RANBP2: variants seen among roughly 807,000 people sequenced by gnomAD.
RANBP2 encodes the protein E3 SUMO-protein ligase RanBP2.
In RANBP2, 57 loss-of-function variants were observed where a neutral mutation model predicts 303.6. That is an observed-to-expected ratio of 0.19 (90% CI 0.15 to 0.23). RANBP2 has a LOEUF of 0.23. RANBP2 is among the 10% of genes least tolerant of loss of function. RANBP2 has a pLI of 1.00. For synonymous variants in RANBP2, 1,167 were observed against 1,301.5 expected, an observed-to-expected ratio of 0.90 and a Z score of 2.23; for missense variants, 3,138 against 3,780.8, an observed-to-expected ratio of 0.83 and a Z score of 4.46.
At chr2:108,938,358 A>C in the RANBP2 span, among the ~76,000 whole-genome samples, 3 of 152,184 alleles carry the variant, frequency 2.0e-5, no homozygotes, top group Non-Finnish European at 4.4e-5. Context: ...AATGCTAATT[A>C]TGTTATGAAG....
rs1676867190 is a variant in RANBP2 at position 108,763,286 on chromosome 2, C to T, written c.2747C>T (p.Ala916Val). ...CTTCCACCCCAACAGCATATTTATG[C>T]CTATCCGCAACAGATGCACACACCG... ...NRLPPQQHIY[A>V]YPQQMHTPPV... The change falls in exon 20 of 29, where the codon GCC (alanine) becomes GTC (valine). Residue 916 changes from alanine (A) to valine (V), a missense_variant. By Grantham distance (64) the Ala-to-Val change is moderately conservative (BLOSUM62 0). Around this residue, in one of 20 missense-constraint regions of RANBP2, gnomAD observed 403 missense variants for 376.7 expected, o/e 1.07. Coordinates refer to ENST00000283195, the MANE Select transcript of RANBP2 (RefSeq NM_006267.5). The T allele has an allele frequency of 6.2e-7, 1 of 1,613,828 alleles. No homozygotes were observed. The highest frequency in any genetic ancestry group is 8.5e-7 in the Non-Finnish European group (1 of 1,179,944).
the RANBP2 span, among the ~76,000 whole-genome samples, chr2:109,533,216 A>C: frequency 1.9e-4 from 29 of 152,288 alleles, no homozygotes; most frequent in African/African-American, 5.8e-4. Context: ...ATGTATACCC[A>C]CACAAGAGCT....
At chr2:109,622,146 C>T in the RANBP2 span, among the ~76,000 whole-genome samples, 213 of 152,234 alleles carry the variant, frequency 1.4e-3, no homozygotes, top group South Asian at 8.7e-3. Flanking sequence ...GTTTAACTCT[C>T]ATAATACCCC....
the RANBP2 span, among the ~76,000 whole-genome samples, chr2:109,167,040 T>C: frequency 6.6e-6 from 1 of 152,100 alleles, no homozygotes; most frequent in Non-Finnish European, 1.5e-5. Flanking sequence ...CTCATCGGTG[T>C]CCCGTGGGAA....
At chr2:109,443,559 G>A in the RANBP2 span, among the ~76,000 whole-genome samples, 53 of 152,270 alleles carry the variant, frequency 3.5e-4, no homozygotes, top group African/African-American at 1.2e-3. Context: ...CCAATAATGA[G>A]AATAGATTAT....
chr2:109,308,329 T>C, the RANBP2 span, among the ~76,000 whole-genome samples: 3 of 116,402 alleles, frequency 2.6e-5, no homozygotes, highest in African/African-American at 4.5e-5. Flanking sequence ...ATTAGCCCTT[T>C]GTCAGATGAG....
chr2:109,031,665 G>A, the RANBP2 span, among the ~76,000 whole-genome samples: 69 of 152,154 alleles, frequency 4.5e-4, no homozygotes, highest in African/African-American at 1.6e-3. Context: ...GAGGAACGGA[G>A]AGCGCCGCTT....
chr2:109,244,964 C>A, the RANBP2 span, among the ~76,000 whole-genome samples: 1 of 152,282 alleles, frequency 6.6e-6, no homozygotes, highest in African/African-American at 2.4e-5. Context: ...TGATCAGGTG[C>A]CAGTATCTCT....
At chr2:109,145,026 T>A in the RANBP2 span, among the ~76,000 whole-genome samples, 1 of 152,208 alleles carries the variant, frequency 6.6e-6, no homozygotes, top group East Asian at 1.9e-4. Flanking sequence ...CAGGGCTCCG[T>A]GTCAGGAAGG....
At chr2:109,446,590 G>A in the RANBP2 span, among the ~76,000 whole-genome samples, 1 of 152,174 alleles carries the variant, frequency 6.6e-6, no homozygotes, top group Non-Finnish European at 1.5e-5. Flanking sequence ...GAGCCTTCCA[G>A]GCACCCGAGG....
chr2:109,073,540 G>A, the RANBP2 span, among the ~76,000 whole-genome samples: 1,353 of 150,048 alleles, frequency 9.0e-3, 69 homozygotes, highest in East Asian at 0.042. Flanking sequence ...GTGGTGGCAC[G>A]CACCTGTAAT....
the RANBP2 span, among the ~76,000 whole-genome samples, chr2:108,938,360 G>T: frequency 6.6e-6 from 1 of 152,320 alleles, no homozygotes; most frequent in African/African-American, 2.4e-5. Flanking sequence ...TGCTAATTAT[G>T]TTATGAAGCA....
chr2:109,444,537 A>C, the RANBP2 span, among the ~76,000 whole-genome samples: 1 of 152,170 alleles, frequency 6.6e-6, no homozygotes, highest in Non-Finnish European at 1.5e-5. Flanking sequence ...GGCCATACTA[A>C]GCCTCCACCT....
the RANBP2 span, among the ~76,000 whole-genome samples, chr2:109,512,603 T>G: frequency 6.6e-6 from 1 of 152,162 alleles, no homozygotes; most frequent in Non-Finnish European, 1.5e-5. Context: ...CTCCAGGTTT[T>G]TCTGGGACAT....
rs1678447856 is a variant in RANBP2 at position 108,784,067 on chromosome 2, C to T, written c.*166C>T. The stretch of plus-strand genomic sequence containing the variant: ...TCACTTTTTAATGTGTTATAATTGA[C>T]CTTGCATGGTGTGAAATAAAAGTTT... On this transcript the variant is annotated 3_prime_UTR_variant, in exon 29 of 29. Coordinates refer to ENST00000283195, the MANE Select transcript of RANBP2 (RefSeq NM_006267.5). The T allele has an allele frequency of 1.5e-6, 1 of 659,184 alleles. No individual in the cohort carries two copies. The highest frequency in any genetic ancestry group is 2.5e-6 in the Non-Finnish European group (1 of 394,520). 40.8% of individuals were successfully genotyped at this position (659,184 alleles called of 1,614,324 possible).
At chr2:109,733,823 G>T in the RANBP2 span, among the ~76,000 whole-genome samples, 1 of 150,892 alleles carries the variant, frequency 6.6e-6, no homozygotes, top group African/African-American at 2.4e-5. Context: ...AGTGAGCCAA[G>T]ATTGCACCAC....
chr2:109,396,458 T>C, the RANBP2 span, among the ~76,000 whole-genome samples: 1 of 152,238 alleles, frequency 6.6e-6, no homozygotes, highest in Non-Finnish European at 1.5e-5. Flanking sequence ...AGCTGGAACC[T>C]GCAGCCACCC....
At chr2:108,907,556 G>T in the RANBP2 span, among the ~76,000 whole-genome samples, 2 of 151,970 alleles carry the variant, frequency 1.3e-5, no homozygotes, top group East Asian at 3.9e-4. Flanking sequence ...GCTGAGACAG[G>T]AGAATTGCTT....
the RANBP2 span, among the ~76,000 whole-genome samples, chr2:109,378,719 G>A: frequency 6.6e-6 from 1 of 152,156 alleles, no homozygotes; most frequent in Non-Finnish European, 1.5e-5. Context: ...TTTCTCTACT[G>A]CTGAGGCTAT....
Sources: gnomAD v4.1 joint callset for allele counts (sites outside exome capture counted in the v4.1 genomes callset) on GRCh38, gnomAD v4.1.1 for gene constraint, gnomAD v4.1.1 regional missense constraint, MANE v1.5 for transcripts, NCBI Gene and HGNC (gene_info 2026-07-23, HGNC 2026-07-21) for gene names.